Variants in MEGF11 observed in about 807,000 individuals in gnomAD.
The protein encoded by MEGF11 is multiple epidermal growth factor-like domains protein 11.
In MEGF11, 126 loss-of-function variants were observed where a neutral mutation model predicts 146.6. That is an observed-to-expected ratio of 0.86 (90% CI 0.74 to 1.00). The LOEUF is 1.00. MEGF11 is among the 50% of genes least tolerant of loss of function. MEGF11 has a pLI of 0.00. For synonymous variants in MEGF11, 532 were observed against 583.4 expected, an observed-to-expected ratio of 0.91 and a Z score of 1.27; for missense variants, 1,509 against 1,521.2, an observed-to-expected ratio of 0.99 and a Z score of 0.13.
chr15:66,002,894 A>G (rs2141842569), intron 5 of MEGF11, among the ~76,000 whole-genome samples: 1 of 152,324 alleles, frequency 6.6e-6, no homozygotes, highest in South Asian at 2.1e-4. Context: ...GCAGAGGTTT[A>G]GAAAGGGAAA....
At chr15:65,946,902 C>T (rs1306906905) in intron 10 of MEGF11, among the ~76,000 whole-genome samples, 1 of 152,338 alleles carries the variant, frequency 6.6e-6, no homozygotes, top group South Asian at 2.1e-4. Context: ...CCCTCCTCGA[C>T]ACCTGTGCCT....
chr15:65,996,772 C>T (rs1311545903), intron 5 of MEGF11, among the ~76,000 whole-genome samples: 1 of 152,224 alleles, frequency 6.6e-6, no homozygotes, highest in African/African-American at 2.4e-5. Context: ...AGGCGTGAGG[C>T]ACCATCTAGC....
At chr15:66,206,374 C>T (rs2091299397) in intron 1 of MEGF11, among the ~76,000 whole-genome samples, 1 of 152,036 alleles carries the variant, frequency 6.6e-6, no homozygotes, top group Non-Finnish European at 1.5e-5. Context: ...TGAAAGAGTG[C>T]TTAAAGAAAT....
intron 1 of MEGF11, among the ~76,000 whole-genome samples, chr15:66,225,402 A>G (rs1212426614): frequency 6.6e-6 from 1 of 152,234 alleles, no homozygotes; most frequent in Non-Finnish European, 1.5e-5. Context: ...TGTTCTCCGT[A>G]GGTAATATGG....
intron 1 of MEGF11, among the ~76,000 whole-genome samples, chr15:66,160,588 T>C (rs1022115673): frequency 6.6e-6 from 1 of 151,998 alleles, no homozygotes; most frequent in African/African-American, 2.4e-5. Flanking sequence ...TAATTTCTAA[T>C]GTCATTCATT....
intron 1 of MEGF11, among the ~76,000 whole-genome samples, chr15:66,210,285 C>T (rs919192560): frequency 6.6e-6 from 1 of 152,192 alleles, no homozygotes; most frequent in Non-Finnish European, 1.5e-5. Context: ...GACCTTAACT[C>T]AAACAAATGT....
chr15:66,170,352 TG>T (rs2090214976), intron 1 of MEGF11, among the ~76,000 whole-genome samples: 1 of 151,838 alleles, frequency 6.6e-6, no homozygotes. Context: ...GTGGGTAGGG[TG>T]GGGGAACTGT....
At chr15:65,937,569 A>T (rs1308386553) in intron 10 of MEGF11, among the ~76,000 whole-genome samples, 4 of 152,228 alleles carry the variant, frequency 2.6e-5, no homozygotes, top group Non-Finnish European at 5.9e-5. Flanking sequence ...TTCTCCGCCT[A>T]CAAAGCCCTC....
chr15:65,970,599 G>C lies in MEGF11; in HGVS notation c.853C>G (p.His285Asp). Residue 285 changes from histidine to aspartate, a missense_variant, in exon 8 of 26, where the codon CAC becomes GAC. His to Asp is a moderately conservative substitution (Grantham distance 81, BLOSUM62 -1). Coordinates refer to ENST00000395614, the MANE Select transcript of MEGF11 (RefSeq NM_001385028.1). ...CPCHHGGQCDHVTGQCHCTAG... is the reference protein window; with the variant it reads ...CPCHHGGQCDDVTGQCHCTAG... ...GTACAGTGGCACTGTCCAGTCACGTGGTCACACTGCCCTCCATGGTGGCAA... is the reference window on the plus strand; with the variant it reads ...GTACAGTGGCACTGTCCAGTCACGTCGTCACACTGCCCTCCATGGTGGCAA... 1.2e-6 allele frequency: 2 copies of C among 1,613,966 alleles called. No individual in the cohort carries two copies. Among genetic ancestry groups the C allele is most frequent in the Non-Finnish European group, 1.7e-6 (2 of 1,179,856 alleles).
At chr15:66,072,698 G>A (rs752976653) in intron 5 of MEGF11, among the ~76,000 whole-genome samples, 1 of 152,170 alleles carries the variant, frequency 6.6e-6, no homozygotes, top group Admixed American at 6.5e-5. Flanking sequence ...TTGGGAAGCT[G>A]GTCTCCTCTG....
chr15:66,163,840 C>G (rs1003569339), intron 1 of MEGF11, among the ~76,000 whole-genome samples: 2 of 152,220 alleles, frequency 1.3e-5, no homozygotes, highest in African/African-American at 4.8e-5. Flanking sequence ...CCTATAAATC[C>G]TCCCCGCATG....
chr15:66,252,297 G>A (rs966996015), intron 1 of MEGF11, among the ~76,000 whole-genome samples: 1 of 151,372 alleles, frequency 6.6e-6, no homozygotes, highest in Admixed American at 6.6e-5. Flanking sequence ...GAGGGGCGCT[G>A]GTGCCGGGGC....
chr15:65,916,993 G>T, intron 16 of MEGF11, 37 bp from the exon 17 acceptor site: 2 of 1,451,760 alleles, frequency 1.4e-6, no homozygotes, highest in Non-Finnish European at 1.8e-6. Flanking sequence ...TGAGGGGAAG[G>T]CAGAGAGGGG....
intron 1 of MEGF11, among the ~76,000 whole-genome samples, chr15:66,138,024 G>C (rs1438193385): frequency 6.6e-6 from 1 of 152,108 alleles, no homozygotes; most frequent in Non-Finnish European, 1.5e-5. Flanking sequence ...GTGCCACTGG[G>C]TGAGATCCAA....
At chr15:66,005,720 G>A (rs114373577) in intron 5 of MEGF11, among the ~76,000 whole-genome samples, 2,484 of 152,256 alleles carry the variant, frequency 0.016, 73 homozygotes, top group African/African-American at 0.055. Context: ...ATGTCACAGC[G>A]TTCATACTCA....
At chr15:66,043,386 C>T (rs552516601) in intron 5 of MEGF11, among the ~76,000 whole-genome samples, 15 of 152,358 alleles carry the variant, frequency 9.8e-5, no homozygotes, top group Non-Finnish European at 2.1e-4. Flanking sequence ...TCCTGGGGGA[C>T]TGAACTGGCC....
intron 5 of MEGF11, among the ~76,000 whole-genome samples, chr15:65,999,362 A>G (rs949142200): frequency 9.2e-5 from 14 of 152,246 alleles, no homozygotes; most frequent in African/African-American, 3.4e-4. Context: ...TGAAGACCCT[A>G]CATGAGGGGG....
intron 6 of MEGF11, 82 bp from the exon 7 acceptor site, chr15:65,980,980 A>T: frequency 6.9e-7 from 1 of 1,448,306 alleles, no homozygotes; most frequent in Non-Finnish European, 9.1e-7. Flanking sequence ...TTCCCTAGGA[A>T]TTCCTCCGCA....
chr15:66,020,991 C>CAAAAAAAAAAA (rs35364286), intron 5 of MEGF11, among the ~76,000 whole-genome samples: 2 of 70,786 alleles, frequency 2.8e-5, no homozygotes, highest in African/African-American at 1.1e-4. Flanking sequence ...AACTCCATCT[C>CAAAAAAAAAAA]AAAAAAAAAA....
Sources: allele counts gnomAD v4.1 joint callset (sites outside exome capture counted in the v4.1 genomes callset), GRCh38; gene constraint gnomAD v4.1.1; transcripts MANE v1.5; gene names NCBI Gene and HGNC (gene_info 2026-07-23, HGNC 2026-07-21).